The following TTC23L variants were observed in gnomAD, a reference collection of about 807,000 sequenced individuals.
The protein encoded by TTC23L is tetratricopeptide repeat domain 23 like.
TTC23L carries 42 observed loss-of-function variants against 48.1 expected under a neutral mutation model. That is an observed-to-expected ratio of 0.87 (90% CI 0.68 to 1.13). TTC23L has a LOEUF of 1.13. Ranked by LOEUF, TTC23L falls within the 50% of genes most tolerant of loss-of-function variation. The pLI is 0.00. For synonymous variants in TTC23L, 159 were observed against 157.2 expected (o/e 1.01, Z -0.09); for missense variants, 391 against 421.0 (o/e 0.93, Z 0.62).
the TTC23L span, chr5:34,925,302 G>A: frequency 5.8e-5 from 94 of 1,612,044 alleles, no homozygotes; most frequent in Non-Finnish European, 7.9e-5. Flanking sequence ...CAAAAACTGA[G>A]AAAGAAAGAG....
chr5:34,862,318 A>T (rs1306144770), intron 4 of TTC23L, among the ~76,000 whole-genome samples: 1 of 152,152 alleles, frequency 6.6e-6, no homozygotes, highest in African/African-American at 2.4e-5. Context: ...TTGAAAAAAA[A>T]AATCCCCAGA....
chr5:34,894,234 T>C (rs1288549817), intron 9 of TTC23L, among the ~76,000 whole-genome samples: 6 of 152,184 alleles, frequency 3.9e-5, no homozygotes, highest in African/African-American at 1.4e-4. Context: ...TATACACCTA[T>C]ACATACATAA....
At chr5:34,874,236 G>A (rs1178445763) in intron 8 of TTC23L, among the ~76,000 whole-genome samples, 1 of 152,104 alleles carries the variant, frequency 6.6e-6, no homozygotes, top group Non-Finnish European at 1.5e-5. Flanking sequence ...ATTAAAAGAA[G>A]TTCTTCAGAG....
At chr5:34,913,590 G>A in the TTC23L span, 1 of 1,500,130 alleles carries the variant, frequency 6.7e-7, no homozygotes, top group Non-Finnish European at 9.1e-7. Flanking sequence ...TATGAAAAGA[G>A]TAAAAATGAA....
intron 3 of TTC23L, among the ~76,000 whole-genome samples, chr5:34,848,947 C>A (rs1182827754): frequency 6.6e-6 from 1 of 152,164 alleles, no homozygotes; most frequent in Non-Finnish European, 1.5e-5. Flanking sequence ...GATATAAACA[C>A]ATAAAATACG....
chr5:34,892,517 A>T (rs2111812851), intron 9 of TTC23L, among the ~76,000 whole-genome samples: 1 of 152,306 alleles, frequency 6.6e-6, no homozygotes, highest in Non-Finnish European at 1.5e-5. Context: ...AGTATGTTTA[A>T]GATATAGTCC....
chr5:34,913,106 G>A, the TTC23L span, among the ~76,000 whole-genome samples: 1 of 152,162 alleles, frequency 6.6e-6, no homozygotes, highest in Non-Finnish European at 1.5e-5. Flanking sequence ...ACTGGCTTTT[G>A]TTTTTCTCTG....
chr5:34,875,131 AG>A (rs2111574250), intron 8 of TTC23L, among the ~76,000 whole-genome samples: 1 of 152,366 alleles, frequency 6.6e-6, no homozygotes, highest in East Asian at 1.9e-4. Context: ...CATATGATAA[AG>A]GGGTCAGTTC....
the TTC23L span, chr5:34,924,999 G>A: frequency 6.2e-7 from 1 of 1,608,484 alleles, no homozygotes; most frequent in Non-Finnish European, 8.5e-7. Context: ...TCATTCAGTA[G>A]TCTTCAATGT....
chr5:34,839,586 G>A (rs978774349), intron 1 of TTC23L: 2 of 976,008 alleles, frequency 2.0e-6, no homozygotes, highest in Admixed American at 1.2e-4. Context: ...TGTTTAAAGT[G>A]GAGGTTAAAA....
At chr5:34,924,250 A>G in the TTC23L span, among the ~76,000 whole-genome samples, 1 of 152,238 alleles carries the variant, frequency 6.6e-6, no homozygotes, top group Non-Finnish European at 1.5e-5. Flanking sequence ...TAGACAGTAT[A>G]TGACATAAAC....
chr5:34,867,454 G>A, intron 7 of TTC23L: 2 of 222,242 alleles, frequency 9.0e-6, no homozygotes, highest in Non-Finnish European at 1.8e-5. Context: ...GTATTTTAGG[G>A]TAATGCTGTC....
At chr5:34,889,321 C>CTT in intron 9 of TTC23L, among the ~76,000 whole-genome samples, 1 of 151,500 alleles carries the variant, frequency 6.6e-6, no homozygotes, top group Admixed American at 6.6e-5. Flanking sequence ...GATTTGGACT[C>CTT]AAATAAGTGT....
chr5:34,887,079 A>G lies in TTC23L; in HGVS notation c.1077+6771A>G, dbSNP rs112714845. Reference sequence around the variant, plus strand: ...AGGAAAAGTTGGTAAAGATCAAGTAATACTCAAATGAGCAGAGGGTGGAGT... The same window carrying G: ...AGGAAAAGTTGGTAAAGATCAAGTAGTACTCAAATGAGCAGAGGGTGGAGT... On this transcript the variant is annotated intron_variant, in intron 9 of 10. Coordinates refer to ENST00000505624, the Ensembl canonical transcript of TTC23L. Among the ~76,000 whole-genome samples, 6 of 152,328 alleles carry G rather than the reference A, an allele frequency of 3.9e-5. 1 individual carries two copies. The highest frequency in any genetic ancestry group is 1.4e-4 in the African/African-American group (6 of 41,584).
chr5:34,895,447 A>T (rs547429070), intron 9 of TTC23L, among the ~76,000 whole-genome samples: 1 of 152,336 alleles, frequency 6.6e-6, no homozygotes, highest in South Asian at 2.1e-4. Flanking sequence ...TACTGGATGT[A>T]TGAAAGCATG....
At chr5:34,845,173 A>T (rs1759003629) in intron 2 of TTC23L, among the ~76,000 whole-genome samples, 1 of 152,228 alleles carries the variant, frequency 6.6e-6, no homozygotes, top group Non-Finnish European at 1.5e-5. Flanking sequence ...ATCTCATTTA[A>T]TCCCATAACC....
At chr5:34,896,708 A>C in intron 9 of TTC23L, 62 bp from the exon 10 acceptor site, 1 of 752,764 alleles carries the variant, frequency 1.3e-6, no homozygotes, top group East Asian at 2.5e-5. Context: ...GAAAGGAGAG[A>C]CAATCTATGA....
the TTC23L span, chr5:34,919,837 T>A: frequency 9.7e-7 from 1 of 1,035,020 alleles, no homozygotes; most frequent in Non-Finnish European, 1.4e-6. Context: ...TTTCTTTTTC[T>A]AGATACTAAA....
intron 8 of TTC23L, among the ~76,000 whole-genome samples, chr5:34,871,794 A>C (rs978178057): frequency 6.6e-6 from 1 of 152,184 alleles, no homozygotes; most frequent in Non-Finnish European, 1.5e-5. Flanking sequence ...AGACCTGTAT[A>C]ATTATGGCCA....
Sources: gnomAD v4.1 joint callset for allele counts (sites outside exome capture counted in the v4.1 genomes callset) on GRCh38, gnomAD v4.1.1 for gene constraint, MANE v1.5 for transcripts, NCBI Gene and HGNC (gene_info 2026-07-23, HGNC 2026-07-21) for gene names.